The following IGSF9 variants were observed in gnomAD, a reference collection of about 807,000 sequenced individuals.
The protein encoded by IGSF9 is protein turtle homolog A.
Under a neutral mutation model 121.7 loss-of-function variants are expected in IGSF9, and 87 were observed. The observed-to-expected ratio is 0.71, with a 90% CI of 0.60 to 0.85. The LOEUF (loss-of-function observed/expected upper bound fraction) is 0.85, where lower values mean the gene tolerates loss of function less well. Ranked by LOEUF, IGSF9 falls within the 40% of genes least tolerant of loss-of-function variation. The pLI is 0.00. For missense variants in IGSF9, 1,462 were observed against 1,565.3 expected (o/e 0.93, Z 1.11); for synonymous variants, 640 against 648.4 (o/e 0.99, Z 0.20).
intron 18 of IGSF9, 57 bp from the exon 19 acceptor site, chr1:159,929,075 C>G (rs1650874157): frequency 6.7e-7 from 1 of 1,489,628 alleles, no homozygotes; most frequent in South Asian, 1.4e-5. Flanking sequence ...CTCCCAGGAG[C>G]CAGCGTCAGG....
Position 159,930,385 on chromosome 1 carries a change from G to T in IGSF9, c.1868C>A (p.Pro623His). The change falls in exon 15 of 21, where the codon CCC becomes CAC. Residue 623 changes from proline (P) to histidine (H), a missense_variant. Transcript: ENST00000368094. The part of the protein sequence containing the change: ...PGLPPTEIPP[P>H]LSPPRGLVAV... ...CACCAGACCCCGCGGAGGGGACAGG[G>T]GAGGCGGTATCTCTGTTGGGGGAAG... 6.3e-7 allele frequency: 1 copy of T among 1,580,418 alleles called. No individual in the cohort carries two copies. Among genetic ancestry groups the T allele is most frequent in the Non-Finnish European group, 8.6e-7 (1 of 1,162,036 alleles).
Position 159,932,686 on chromosome 1 carries a change from G to A in IGSF9, c.1105-34C>T, listed in dbSNP as rs904902783. 6 of 1,583,158 alleles carry A rather than the reference G, an allele frequency of 3.8e-6. No individual in the cohort carries two copies. The African/African-American group carries it at 8.1e-5, about 21-fold the overall frequency. The stretch of plus-strand genomic sequence containing the variant: ...AAGAGAAGATGACAGCTAGAGAGAG[G>A]AGCTCAGCAGAGACAAGCCCGGGAT... On this transcript the variant is annotated intron_variant, in intron 9 of 20. Transcript: ENST00000368094. The surrounding 1 kb of genome is among the most constrained non-coding windows in gnomAD (Gnocchi z 4.1).
intron 3 of IGSF9, 98 bp downstream of exon 3, chr1:159,942,865 G>T: frequency 1.1e-6 from 1 of 946,228 alleles, no homozygotes; most frequent in Non-Finnish European, 1.6e-6. Flanking sequence ...TGAGATCAGA[G>T]CAGGGACAAA....
At chr1:159,943,232 G>C in intron 2 of IGSF9, 81 bp from the exon 3 acceptor site, 1 of 1,361,706 alleles carries the variant, frequency 7.3e-7, no homozygotes, top group Non-Finnish European at 9.9e-7. Flanking sequence ...ATCTCTGTAG[G>C]CACCTTAGGA....
At position 159,931,297 on chromosome 1, in the gene IGSF9, C is replaced by A. The variant is rs1373565566; in HGVS notation, c.1514-36G>T. The A allele has an allele frequency of 6.2e-7, 1 of 1,613,486 alleles. No homozygotes were observed. Among genetic ancestry groups the A allele is most frequent in the Admixed American group, 1.7e-5 (1 of 59,956 alleles). On this transcript the variant is annotated intron_variant, in intron 12 of 20. Transcript: ENST00000368094. The surrounding 1 kb of genome is among the most constrained non-coding windows in gnomAD (Gnocchi z 4.8). ...GGGAATGGAGGGATGGTGGTCAGGGCCTGAGGGAGTGTACAGAGTAGCAGG... is the reference window on the plus strand; with the variant it reads ...GGGAATGGAGGGATGGTGGTCAGGGACTGAGGGAGTGTACAGAGTAGCAGG...
At position 159,932,897 on chromosome 1, in the gene IGSF9, C is replaced by A; in HGVS notation, c.1105-245G>T. 1 of 443,478 alleles carries A rather than the reference C, an allele frequency of 2.3e-6. No homozygotes were observed. The highest frequency in any genetic ancestry group is 4.0e-6 in the Non-Finnish European group (1 of 250,904). The allele number at this position is 443,478 out of a possible 1,614,324, so 27.5% of individuals were successfully genotyped here. On this transcript the variant is annotated intron_variant, in intron 9 of 20. Coordinates refer to ENST00000368094, the MANE Select transcript of IGSF9 (RefSeq NM_001135050.2). The surrounding 1 kb of genome is among the most constrained non-coding windows in gnomAD (Gnocchi z 4.1). ...GGGGGTGCCACTCACAGAAAATACA[C>A]TGTGAATGGCCACCCCTGTAGTTGG...
At chr1:159,938,400 G>GTCAGCA (rs1651271065) in intron 3 of IGSF9, among the ~76,000 whole-genome samples, 1 of 152,174 alleles carries the variant, frequency 6.6e-6, no homozygotes, top group African/African-American at 2.4e-5. Flanking sequence ...AAGCAGCAAA[G>GTCAGCA]TCAGCAGCCT....
rs1325016540 is a variant in IGSF9, at chr1:159,929,802, T to C, written c.2162A>G (p.Tyr721Cys). ...ANVSTSGLEV[Y>C]PSRTQLPGLL... ...GCCCGGCAGCTGCGTGCGCGAAGGG[T>C]AGACCTCCAGACCTAGGCAGGGGTC... is the stretch of plus-strand genomic sequence containing the variant. Residue 721 changes from tyrosine to cysteine, a missense_variant, in exon 17 of 21, where the codon TAC (tyrosine) becomes TGC (cysteine). This residue lies in a region of IGSF9 where 808 missense variants were observed against 815.2 expected (regional missense o/e 0.99). Transcript: ENST00000368094. 19 of 1,605,034 alleles carry C rather than the reference T, an allele frequency of 1.2e-5. No individual in the cohort carries two copies. The highest frequency in any genetic ancestry group is 1.6e-5 in the Non-Finnish European group (19 of 1,176,776).
intron 3 of IGSF9, among the ~76,000 whole-genome samples, chr1:159,940,251 A>G (rs1651333006): frequency 1.3e-5 from 2 of 152,224 alleles, no homozygotes; most frequent in African/African-American, 2.4e-5. Context: ...TAATCTATGT[A>G]TTCTCACTTG....
At chr1:159,938,168 T>C (rs1651260955) in intron 3 of IGSF9, among the ~76,000 whole-genome samples, 2 of 152,112 alleles carry the variant, frequency 1.3e-5, no homozygotes, top group Non-Finnish European at 2.9e-5. Flanking sequence ...GCATGTAGTC[T>C]CCTCTGGACT....
chr1:159,927,211 C>A lies in IGSF9; in HGVS notation c.*134G>T. On this transcript the variant is annotated 3_prime_UTR_variant, in exon 21 of 21. Transcript: ENST00000368094. ...ACATTCCATACCAAGGTGACCCAAA[C>A]CCACTATCAGGGTCTGTGCCTGGGC... 2 of 1,073,826 alleles carry A rather than the reference C, an allele frequency of 1.9e-6. No individual in the cohort carries two copies. The highest frequency in any genetic ancestry group is 2.4e-5 in the East Asian group (1 of 41,956). The allele number at this position is 1,073,826 out of a possible 1,614,324, so 66.5% of individuals were successfully genotyped here.
Position 159,930,738 on chromosome 1 carries a change from C to G in IGSF9, c.1767G>C (p.Lys589Asn), listed in dbSNP as rs751238440. The G allele has an allele frequency of 1.5e-5, 24 of 1,614,056 alleles. No homozygotes were observed. Among genetic ancestry groups the G allele is most frequent in the Non-Finnish European group, 1.7e-6 (2 of 1,180,028 alleles). ...TTTCGCTGAAGGGACCACTCCCCAG[C>G]TTGTTCTGAGCTAGCACGCTGAACT... is the stretch of plus-strand genomic sequence containing the variant. ...QYQFSVLAQNKLGSGPFSEIV... is the reference protein window; with the variant it reads ...QYQFSVLAQNNLGSGPFSEIV... Residue 589 changes from lysine to asparagine, a missense_variant, in exon 14 of 21, where the codon AAG becomes AAC. Lys to Asn is a moderately conservative substitution (Grantham distance 94). Coordinates refer to ENST00000368094, the MANE Select transcript of IGSF9 (RefSeq NM_001135050.2).
chr1:159,942,424 G>A (rs1362770106), intron 3 of IGSF9, among the ~76,000 whole-genome samples: 2 of 152,138 alleles, frequency 1.3e-5, no homozygotes, highest in Non-Finnish European at 2.9e-5. Flanking sequence ...CAGACTGAGT[G>A]TCCCTGGAAA....
At chr1:159,939,506 T>C (rs565306377) in intron 3 of IGSF9, among the ~76,000 whole-genome samples, 1 of 152,310 alleles carries the variant, frequency 6.6e-6, no homozygotes, top group Non-Finnish European at 1.5e-5. Context: ...GATTAAGCTG[T>C]GAGTCACTGT....
At chr1:159,929,547 A>C in intron 17 of IGSF9, 91 bp downstream of exon 17, 1 of 1,489,086 alleles carries the variant, frequency 6.7e-7, no homozygotes, top group Non-Finnish European at 9.1e-7. Flanking sequence ...CCTGGATCAC[A>C]CAGGAGCGAG....
intron 14 of IGSF9, 40 bp downstream of exon 14, chr1:159,930,652 C>T (rs756505154): frequency 1.2e-6 from 2 of 1,612,130 alleles, no homozygotes; most frequent in Non-Finnish European, 8.5e-7. Flanking sequence ...AGCCCTTCCC[C>T]ATCCTTGTCT....
At position 159,931,702 on chromosome 1, in the gene IGSF9, C is replaced by T; in HGVS notation, c.1363-99G>A. ...CAGCTCCAGTTCCTCCCCACCCTGCCTCTGACAGCCTTCTCCTTCCCACAC... is the reference window on the plus strand; with the variant it reads ...CAGCTCCAGTTCCTCCCCACCCTGCTTCTGACAGCCTTCTCCTTCCCACAC... On this transcript the variant is annotated intron_variant, in intron 11 of 20. Transcript: ENST00000368094. The surrounding 1 kb of genome is among the most constrained non-coding windows in gnomAD (Gnocchi z 4.8). 2.6e-6 allele frequency: 4 copies of T among 1,514,738 alleles called. No homozygotes were observed. Among genetic ancestry groups the T allele is most frequent in the Non-Finnish European group, 3.6e-6 (4 of 1,112,176 alleles). 93.8% of individuals were successfully genotyped at this position (1,514,738 alleles called of 1,614,324 possible).
In IGSF9 at chr1:159,928,800, T is replaced by TG. The variant is rs1228987905; in HGVS notation, c.2587dup (p.Gln863ProfsTer23). 4 of 1,492,316 alleles carry TG rather than the reference T, an allele frequency of 2.7e-6. No homozygotes were observed. The highest frequency in any genetic ancestry group is 2.5e-5 in the East Asian group (1 of 40,654). The allele number at this position is 1,492,316 out of a possible 1,614,324, so 92.4% of individuals were successfully genotyped here. On this transcript the variant is annotated frameshift_variant, in exon 19 of 21. Transcript: ENST00000368094. LOFTEE classifies it high-confidence loss of function. ...TGCCTGCTCCCGGCCTGACCTTTCC[T>TG]GGGGGGCCGCCACAGTGGGCCCCAT...
chr1:159,943,393 T>C lies in IGSF9; in HGVS notation c.58+4A>G. ...GCATTCTTGAGCCCAAGAGCTCAGC[T>C]TACCGTCAGCCCCCTGGCTGATGAC... On this transcript the variant is annotated splice_donor_region_variant and intron_variant, in intron 2 of 20. Transcript: ENST00000368094. 1 of 1,583,672 alleles carries C rather than the reference T, an allele frequency of 6.3e-7. No homozygotes were observed. Among genetic ancestry groups the C allele is most frequent in the Non-Finnish European group, 8.6e-7 (1 of 1,164,336 alleles).
Sources: gnomAD v4.1 joint callset for allele counts (sites outside exome capture counted in the v4.1 genomes callset) on GRCh38, gnomAD v4.1.1 for gene constraint, gnomAD v4.1.1 regional missense constraint, Gnocchi (gnomAD v3.1) non-coding constraint, MANE v1.5 for transcripts, NCBI Gene and HGNC (gene_info 2026-07-23, HGNC 2026-07-21) for gene names.